CALD1: variants seen among roughly 807,000 people sequenced by gnomAD.
The protein encoded by CALD1 is caldesmon.
Under a neutral mutation model 99.9 loss-of-function variants are expected in CALD1, and 33 were observed. The observed-to-expected ratio is 0.33, with a 90% CI of 0.25 to 0.44. The LOEUF is 0.44. Among genes scored for constraint, CALD1 ranks in the 20% least tolerant of loss-of-function variants. The probability of loss-of-function intolerance (pLI) is 1.00; values close to 1 mark genes in which losing one functional copy is unlikely to be tolerated. For synonymous variants in CALD1, 310 were observed against 325.0 expected (o/e 0.95, Z 0.50); for missense variants, 861 against 962.1 (o/e 0.89, Z 1.39).
intron 1 of CALD1, among the ~76,000 whole-genome samples, chr7:134,832,092 C>T (rs1326256370): frequency 2.6e-5 from 4 of 152,218 alleles, no homozygotes; most frequent in African/African-American, 2.4e-5. Context: ...GAAATGCGCA[C>T]GCGCAGTGTA....
chr7:134,945,519 T>C (rs1806790691), intron 7 of CALD1, among the ~76,000 whole-genome samples: 2 of 152,236 alleles, frequency 1.3e-5, no homozygotes, highest in Non-Finnish European at 1.5e-5. Flanking sequence ...CTTTCTAGCT[T>C]CCAAAAGTTT....
intron 3 of CALD1, among the ~76,000 whole-genome samples, chr7:134,875,036 C>T (rs1801282836): frequency 6.6e-6 from 1 of 152,156 alleles, no homozygotes; most frequent in Non-Finnish European, 1.5e-5. Flanking sequence ...GTTATTTTAT[C>T]ATCAGAACAT....
chr7:134,920,457 A>G, intron 3 of CALD1: 2 of 1,007,912 alleles, frequency 2.0e-6, no homozygotes, highest in Non-Finnish European at 2.5e-6. Flanking sequence ...ATCAAATAAA[A>G]GTAATTGACT....
chr7:134,843,592 G>A (rs1044100308), intron 1 of CALD1, among the ~76,000 whole-genome samples: 1 of 152,156 alleles, frequency 6.6e-6, no homozygotes, highest in African/African-American at 2.4e-5. Flanking sequence ...TTACTGAGGG[G>A]ATTGGGAGCA....
intron 1 of CALD1, among the ~76,000 whole-genome samples, chr7:134,826,596 T>C (rs1799005851): frequency 1.3e-5 from 2 of 152,142 alleles, no homozygotes; most frequent in South Asian, 2.1e-4. Context: ...ACGAACACTG[T>C]TGCCTGAATT....
chr7:134,846,174 A>G (rs1305125683), intron 2 of CALD1, among the ~76,000 whole-genome samples: 1 of 152,170 alleles, frequency 6.6e-6, no homozygotes, highest in African/African-American at 2.4e-5. Context: ...GACCAAAGAG[A>G]CAGAGGCAGG....
chr7:134,753,788 A>G (rs1796705430), intron 1 of CALD1, among the ~76,000 whole-genome samples: 1 of 152,020 alleles, frequency 6.6e-6, no homozygotes, highest in African/African-American at 2.4e-5. Context: ...TCTTGTAGCT[A>G]TTGTCTATAA....
intron 1 of CALD1, among the ~76,000 whole-genome samples, chr7:134,790,939 G>A (rs762096479): frequency 1.3e-5 from 2 of 152,306 alleles, no homozygotes; most frequent in Non-Finnish European, 2.9e-5. Flanking sequence ...TATCCAAAAG[G>A]TATTCAAAAG....
chr7:134,771,715 G>A (rs1185911511), intron 1 of CALD1, among the ~76,000 whole-genome samples: 4 of 152,116 alleles, frequency 2.6e-5, no homozygotes, highest in African/African-American at 7.2e-5. Context: ...TCTGGATGGC[G>A]GATCTGGCCA....
Position 134,933,033 on chromosome 7 carries a change from G to A in CALD1, c.264G>A (p.Val88=). 1.9e-6 allele frequency: 3 copies of A among 1,613,674 alleles called. No individual in the cohort carries two copies. Among genetic ancestry groups the A allele is most frequent in the South Asian group, 2.2e-5 (2 of 91,038 alleles). ...AGACAACCACCACAAACACTCAAGTGGAAGGGGATGATGAGGCCGCATTCC... is the reference window on the plus strand; with the variant it reads ...AGACAACCACCACAAACACTCAAGTAGAAGGGGATGATGAGGCCGCATTCC... ...EAKTTTTNTQ[V]EGDDEAAFLE... The change falls in exon 5 of 15, where the codon GTG becomes GTA. Residue 88 remains valine, a synonymous_variant. Coordinates refer to ENST00000361675, the MANE Select transcript of CALD1 (RefSeq NM_033138.4).
At chr7:134,767,339 C>T (rs918992172) in intron 1 of CALD1, among the ~76,000 whole-genome samples, 7 of 152,088 alleles carry the variant, frequency 4.6e-5, no homozygotes, top group Non-Finnish European at 8.8e-5. Flanking sequence ...TATCGCCAGA[C>T]GCAGCAATCT....
intron 1 of CALD1, among the ~76,000 whole-genome samples, chr7:134,759,767 C>T (rs533929000): frequency 6.6e-6 from 1 of 152,300 alleles, no homozygotes; most frequent in Non-Finnish European, 1.5e-5. Context: ...ACAAATAAAA[C>T]AGACAAAGAA....
At chr7:134,763,761 T>C (rs548380493) in intron 1 of CALD1, among the ~76,000 whole-genome samples, 1 of 151,968 alleles carries the variant, frequency 6.6e-6, no homozygotes, top group East Asian at 1.9e-4. Flanking sequence ...CTACTAAAAA[T>C]ACAAAAATTA....
At chr7:134,872,934 G>A (rs1253801201) in intron 3 of CALD1, among the ~76,000 whole-genome samples, 1 of 152,142 alleles carries the variant, frequency 6.6e-6, no homozygotes, top group African/African-American at 2.4e-5. Flanking sequence ...CGTAATCCCA[G>A]CATTTTGGGA....
chr7:134,722,201 G>A, the CALD1 span, among the ~76,000 whole-genome samples: 1 of 152,148 alleles, frequency 6.6e-6, no homozygotes, highest in Admixed American at 6.5e-5. Flanking sequence ...TAGCCACAAA[G>A]ATGACTTTGG....
chr7:134,860,677 T>C (rs951596571), intron 2 of CALD1, among the ~76,000 whole-genome samples: 3 of 152,158 alleles, frequency 2.0e-5, no homozygotes, highest in Admixed American at 6.5e-5. Context: ...CAAAAGCATA[T>C]GGAAAGTAAA....
At chr7:134,915,152 C>T (rs1586292039) in intron 3 of CALD1, among the ~76,000 whole-genome samples, 2 of 152,232 alleles carry the variant, frequency 1.3e-5, no homozygotes, top group East Asian at 1.9e-4. Context: ...GGTTTGCCAC[C>T]TCCTCCTCAG....
intron 2 of CALD1, among the ~76,000 whole-genome samples, chr7:134,854,106 C>T (rs1469230125): frequency 6.6e-6 from 1 of 152,102 alleles, no homozygotes; most frequent in African/African-American, 2.4e-5. Context: ...TTAATCCAGT[C>T]TATCATTGAT....
intron 9 of CALD1, among the ~76,000 whole-genome samples, chr7:134,951,862 C>T (rs1045000901): frequency 6.6e-5 from 10 of 152,184 alleles, no homozygotes; most frequent in African/African-American, 2.2e-4. Context: ...CAGTGCCTTA[C>T]ATCATATTGA....
Sources: gnomAD v4.1 joint callset for allele counts (sites outside exome capture counted in the v4.1 genomes callset) on GRCh38, gnomAD v4.1.1 for gene constraint, MANE v1.5 for transcripts, NCBI Gene and HGNC (gene_info 2026-07-23, HGNC 2026-07-21) for gene names.